The following ARMH3 variants were observed in gnomAD, a reference collection of about 807,000 sequenced individuals.
ARMH3 encodes the protein armadillo-like helical domain-containing protein 3.
A neutral mutation model predicts 99.1 loss-of-function variants in ARMH3; 60 were observed. That is an observed-to-expected ratio of 0.61 (90% CI 0.49 to 0.75). The LOEUF (loss-of-function observed/expected upper bound fraction) is 0.75, where lower values mean the gene tolerates loss of function less well. ARMH3 is among the 30% of genes least tolerant of loss of function. The pLI, the probability that ARMH3 is intolerant of heterozygous loss-of-function variation, is 0.00. For missense variants in ARMH3, 679 were observed against 843.1 expected (o/e 0.81, Z 2.41); for synonymous variants, 285 against 292.8 (o/e 0.97, Z 0.27).
chr10:101,963,669 G>A (rs1048208946), intron 20 of ARMH3, among the ~76,000 whole-genome samples: 15 of 151,880 alleles, frequency 9.9e-5, no homozygotes, highest in African/African-American at 3.6e-4. Context: ...GCACGATCTC[G>A]GCTCTCCGCG....
At chr10:102,043,300 C>G (rs1219081377) in intron 1 of ARMH3, among the ~76,000 whole-genome samples, 2 of 152,180 alleles carry the variant, frequency 1.3e-5, no homozygotes, top group African/African-American at 4.8e-5. Context: ...GTGACATGGA[C>G]AAGTTACTGT....
At chr10:102,030,097 T>C (rs2067093430) in intron 4 of ARMH3, among the ~76,000 whole-genome samples, 1 of 151,948 alleles carries the variant, frequency 6.6e-6, no homozygotes, top group Admixed American at 6.6e-5. Context: ...ATTTTTTTAT[T>C]TTTTGTAGAG....
chr10:101,864,349 T>G (rs1012201498), intron 24 of ARMH3, among the ~76,000 whole-genome samples: 2 of 152,072 alleles, frequency 1.3e-5, no homozygotes, highest in African/African-American at 4.8e-5. Flanking sequence ...TCCCTAAGGA[T>G]CTAGAACAAG....
chr10:101,917,756 C>G (rs1220746901), intron 23 of ARMH3, among the ~76,000 whole-genome samples: 4 of 152,168 alleles, frequency 2.6e-5, no homozygotes, highest in Non-Finnish European at 5.9e-5. Context: ...CTCTGCCCTC[C>G]CGGGTATAGG....
intron 24 of ARMH3, among the ~76,000 whole-genome samples, chr10:101,857,156 C>T (rs1040252576): frequency 6.6e-6 from 1 of 152,132 alleles, no homozygotes; most frequent in Admixed American, 6.6e-5. Context: ...ATTGTCTTAT[C>T]CCTAAAAGAA....
chr10:101,921,020 C>A (rs1288469308), intron 23 of ARMH3, among the ~76,000 whole-genome samples: 1 of 152,118 alleles, frequency 6.6e-6, no homozygotes, highest in Non-Finnish European at 1.5e-5. Context: ...TTAATCAGTA[C>A]AATTTCAGTT....
At chr10:101,938,010 T>C (rs1311007060) in intron 23 of ARMH3, among the ~76,000 whole-genome samples, 13 of 152,088 alleles carry the variant, frequency 8.5e-5, no homozygotes, top group Non-Finnish European at 5.9e-5. Flanking sequence ...ACTACAGGCA[T>C]GTGCCACCAT....
chr10:102,050,900 G>A (rs1018497688), intron 1 of ARMH3, among the ~76,000 whole-genome samples: 26 of 151,042 alleles, frequency 1.7e-4, no homozygotes, highest in Admixed American at 1.7e-3. Context: ...GCTCACGCCT[G>A]TAATCTCAGC....
chr10:102,040,162 TACTC>T (rs753807439), intron 1 of ARMH3, 37 bp from the exon 2 acceptor site: 1 of 1,514,120 alleles, frequency 6.6e-7, no homozygotes, highest in Non-Finnish European at 9.2e-7. Flanking sequence ...ATAGTGAAAA[TACTC>T]AGTATGATAC....
At chr10:101,861,962 T>C (rs1305842781) in intron 24 of ARMH3, among the ~76,000 whole-genome samples, 1 of 135,316 alleles carries the variant, frequency 7.4e-6, no homozygotes, top group Admixed American at 8.4e-5. Flanking sequence ...GGCAGGAGAA[T>C]GGTGTGAACC....
intron 24 of ARMH3, among the ~76,000 whole-genome samples, chr10:101,853,921 T>A (rs1368215464): frequency 6.6e-6 from 1 of 152,176 alleles, no homozygotes; most frequent in East Asian, 1.9e-4. Context: ...GAGACCAGCC[T>A]GGCCAAGATG....
At chr10:101,915,776 T>C (rs886668258) in intron 23 of ARMH3, among the ~76,000 whole-genome samples, 2 of 151,636 alleles carry the variant, frequency 1.3e-5, no homozygotes, top group Non-Finnish European at 2.9e-5. Flanking sequence ...GGGACAGCAA[T>C]ATCCCTTGGC....
At chr10:101,957,375 A>G (rs978684864) in intron 21 of ARMH3, among the ~76,000 whole-genome samples, 1 of 152,168 alleles carries the variant, frequency 6.6e-6, no homozygotes, top group Admixed American at 6.5e-5. Flanking sequence ...CAGTCTCTCA[A>G]TTGGGACCAA....
intron 24 of ARMH3, among the ~76,000 whole-genome samples, chr10:101,883,009 C>T (rs1302295494): frequency 1.3e-5 from 2 of 152,212 alleles, no homozygotes; most frequent in Admixed American, 6.5e-5. Context: ...TTAAGCATCA[C>T]CTGTGAATTA....
chr10:101,912,949 T>C (rs1842928118), intron 23 of ARMH3: 1 of 152,120 alleles, frequency 6.6e-6, no homozygotes, highest in South Asian at 2.1e-4. Context: ...ATATTATCTA[T>C]AAAAGGATAC....
At chr10:102,012,162 T>G (rs1364319049) in intron 10 of ARMH3, among the ~76,000 whole-genome samples, 1 of 152,196 alleles carries the variant, frequency 6.6e-6, no homozygotes, top group Admixed American at 6.5e-5. Context: ...AGGAAATCAG[T>G]AAACTAAACT....
At chr10:101,970,639 T>C (rs1166798079) in intron 20 of ARMH3, among the ~76,000 whole-genome samples, 1 of 150,884 alleles carries the variant, frequency 6.6e-6, no homozygotes, top group Admixed American at 6.6e-5. Flanking sequence ...CTGGGCAACA[T>C]GATGAAACCC....
intron 23 of ARMH3, among the ~76,000 whole-genome samples, chr10:101,899,209 T>C (rs887867772): frequency 3.3e-5 from 5 of 152,122 alleles, no homozygotes; most frequent in Non-Finnish European, 7.4e-5. Flanking sequence ...GAATTTTTTT[T>C]CCCCCAAGGC....
intron 2 of ARMH3, among the ~76,000 whole-genome samples, chr10:102,038,334 T>C (rs2067328310): frequency 6.6e-6 from 1 of 152,030 alleles, no homozygotes. Context: ...GACCTCGTGA[T>C]CCGCCCACCT....
Sources: allele counts gnomAD v4.1 joint callset (sites outside exome capture counted in the v4.1 genomes callset), GRCh38; gene constraint gnomAD v4.1.1; transcripts MANE v1.5; gene names NCBI Gene and HGNC (gene_info 2026-07-23, HGNC 2026-07-21).